Variants in PDE11A observed in about 807,000 individuals in gnomAD.
PDE11A encodes phosphodiesterase 11A.
In PDE11A, 100 loss-of-function variants were observed where a neutral mutation model predicts 100.5. The observed-to-expected ratio is 1.00, with a 90% CI of 0.85 to 1.18. PDE11A has a LOEUF of 1.18. Among genes scored for constraint, PDE11A ranks in the 50% most tolerant of loss-of-function variants. The pLI is 0.00. For missense variants in PDE11A, 1,141 were observed against 1,152.6 expected (o/e 0.99, Z 0.15); for synonymous variants, 381 against 420.8 (o/e 0.91, Z 1.16).
At chr2:177,668,844 T>C (rs1356743215) in intron 18 of PDE11A, among the ~76,000 whole-genome samples, 1 of 152,194 alleles carries the variant, frequency 6.6e-6, no homozygotes, top group African/African-American at 2.4e-5. Context: ...GTTATATGTT[T>C]TTAGCTAATC....
chr2:177,830,992 T>C (rs973751829), intron 6 of PDE11A, among the ~76,000 whole-genome samples: 6 of 152,224 alleles, frequency 3.9e-5, no homozygotes, highest in African/African-American at 9.6e-5. Flanking sequence ...TCTTTTGTCA[T>C]AATTTTTCCA....
chr2:178,105,947 A>C (rs530597310), intron 1 of PDE11A, among the ~76,000 whole-genome samples: 1 of 152,294 alleles, frequency 6.6e-6, no homozygotes, highest in East Asian at 1.9e-4. Context: ...GAATGAGTGC[A>C]AGGGAGATGG....
At chr2:177,824,679 A>G (rs909854075) in intron 6 of PDE11A, among the ~76,000 whole-genome samples, 1 of 152,210 alleles carries the variant, frequency 6.6e-6, no homozygotes, top group Non-Finnish European at 1.5e-5. Flanking sequence ...CCACAGCATT[A>G]TTTATCTTAG....
At chr2:178,081,410 T>A (rs1363690025) in intron 2 of PDE11A, among the ~76,000 whole-genome samples, 2 of 152,140 alleles carry the variant, frequency 1.3e-5, no homozygotes, top group Admixed American at 6.6e-5. Context: ...AAGAAAAAAA[T>A]TGAGCAAATT....
Position 177,783,482 on chromosome 2 carries a change from T to A in PDE11A, c.1738-14109A>T, listed in dbSNP as rs185342943. On this transcript the variant is annotated intron_variant, in intron 9 of 19. Coordinates refer to ENST00000286063, the MANE Select transcript of PDE11A (RefSeq NM_016953.4). Reference sequence around the variant, plus strand: ...GCAACAAGTACCCAAACTAACATTTTCATATTTGTCTTCCATTTTTTCTAT... The same window carrying A: ...GCAACAAGTACCCAAACTAACATTTACATATTTGTCTTCCATTTTTTCTAT... Among the ~76,000 whole-genome samples the A allele has an allele frequency of 4.8e-4, 73 of 152,362 alleles. 2 individuals carry two copies. Among genetic ancestry groups the A allele is most frequent in the African/African-American group, 1.6e-3 (67 of 41,586 alleles).
chr2:177,684,183 CTT>C (rs1176029631), intron 15 of PDE11A, among the ~76,000 whole-genome samples: 2 of 152,048 alleles, frequency 1.3e-5, no homozygotes, highest in Admixed American at 1.3e-4. Context: ...CTTTATTAGG[CTT>C]TACGGTCACA....
intron 2 of PDE11A, among the ~76,000 whole-genome samples, chr2:177,923,974 A>G (rs2085091340): frequency 6.6e-6 from 1 of 152,212 alleles, no homozygotes; most frequent in Non-Finnish European, 1.5e-5. Flanking sequence ...GAGGTCTAAG[A>G]TAATGTATAA....
At chr2:177,939,071 C>T (rs757573867) in intron 2 of PDE11A, among the ~76,000 whole-genome samples, 1 of 152,126 alleles carries the variant, frequency 6.6e-6, no homozygotes, top group Non-Finnish European at 1.5e-5. Context: ...GTTGTTTAAG[C>T]CATTTTAGTC....
rs2083860974 is a variant in PDE11A at position 177,857,463 on chromosome 2, T to G, written c.1368-17080A>C. On this transcript the variant is annotated intron_variant, in intron 5 of 19. Transcript: ENST00000286063. ...ATCTCATTTAAAGACAATGGCATAA[T>G]GCAAAAATTATAAAACTGCATTGAT... 2.6e-5 allele frequency among the ~76,000 whole-genome samples: 4 copies of G among 152,004 alleles called. No homozygotes were observed. The South Asian group carries it at 8.3e-4, about 31-fold the overall frequency.
At chr2:178,044,376 T>A (rs1193012277) in intron 1 of PDE11A, among the ~76,000 whole-genome samples, 1 of 148,170 alleles carries the variant, frequency 6.7e-6, no homozygotes, top group Non-Finnish European at 1.5e-5. Context: ...ATATATGTTT[T>A]TATATATATA....
At chr2:177,856,517 A>G (rs2083836154) in intron 5 of PDE11A, among the ~76,000 whole-genome samples, 1 of 152,138 alleles carries the variant, frequency 6.6e-6, no homozygotes, top group Non-Finnish European at 1.5e-5. Flanking sequence ...CATTCAAAAT[A>G]CTAAAGGAAA....
intron 15 of PDE11A, among the ~76,000 whole-genome samples, chr2:177,695,270 T>C (rs1283327460): frequency 6.6e-6 from 1 of 152,182 alleles, no homozygotes; most frequent in Non-Finnish European, 1.5e-5. Flanking sequence ...CATGATCAAG[T>C]AAGGGTATTT....
At chr2:178,088,036 G>T (rs1237449361) in intron 2 of PDE11A, among the ~76,000 whole-genome samples, 1 of 152,072 alleles carries the variant, frequency 6.6e-6, no homozygotes, top group Non-Finnish European at 1.5e-5. Flanking sequence ...TTTCTGCACT[G>T]AAGCTCCCCA....
At position 178,072,700 on chromosome 2, in the gene PDE11A, G is replaced by T; in HGVS notation, c.-263C>A. ...GCACTGAGCTGCCGCCGCTGCCCCG[G>T]CTCCTGTTCCGGAAACCCGAGCTAT... On this transcript the variant is annotated 5_prime_UTR_variant, in exon 1 of 20. Coordinates refer to ENST00000286063, the MANE Select transcript of PDE11A (RefSeq NM_016953.4). The T allele has an allele frequency of 7.2e-7, 1 of 1,397,578 alleles. No homozygotes were observed. Among genetic ancestry groups the T allele is most frequent in the South Asian group, 1.5e-5 (1 of 66,776 alleles). The allele number at this position is 1,397,578 out of a possible 1,614,324, so 86.6% of individuals were successfully genotyped here. A position where few individuals can be genotyped will look rare whatever the true frequency, so the allele number is the denominator to read the frequency against.
intron 19 of PDE11A, among the ~76,000 whole-genome samples, chr2:177,659,267 GAAAAA>G (rs71010812): frequency 0.038 from 4,880 of 128,164 alleles, 199 homozygotes; most frequent in African/African-American, 0.1. Flanking sequence ...ATCTCAGGGG[GAAAAA>G]AAAAAAAAAA....
chr2:178,035,104 C>T lies in PDE11A; in HGVS notation c.913-20644G>A, dbSNP rs186676393. On this transcript the variant is annotated intron_variant, in intron 1 of 19. Transcript: ENST00000286063. ...AATCCAGGAGCTGTTTTTTTTTAAA[C>T]ATTAACAAAATAGATGGACCACTAG... is the stretch of plus-strand genomic sequence containing the variant. Among the ~76,000 whole-genome samples the T allele has an allele frequency of 2.6e-4, 39 of 150,948 alleles. No homozygotes were observed. The East Asian group carries it at 6.0e-3, about 23-fold the overall frequency.
chr2:177,715,518 A>G (rs1050499842), intron 12 of PDE11A, among the ~76,000 whole-genome samples: 5 of 149,706 alleles, frequency 3.3e-5, no homozygotes, highest in Non-Finnish European at 7.4e-5. Flanking sequence ...TTTCTGCCCT[A>G]TTTGAATGAA....
intron 5 of PDE11A, among the ~76,000 whole-genome samples, chr2:177,861,345 A>T (rs557275549): frequency 1.7e-4 from 26 of 151,986 alleles, no homozygotes; most frequent in Non-Finnish European, 2.7e-4. Context: ...TCAAAAAGAA[A>T]AAAACAGGAA....
intron 5 of PDE11A, among the ~76,000 whole-genome samples, chr2:177,855,157 T>C (rs1197273190): frequency 6.6e-6 from 1 of 152,088 alleles, no homozygotes; most frequent in Non-Finnish European, 1.5e-5. Flanking sequence ...AGAAGATCCA[T>C]GCAGAAGAAA....
Sources: allele counts gnomAD v4.1 joint callset (sites outside exome capture counted in the v4.1 genomes callset), GRCh38; gene constraint gnomAD v4.1.1; transcripts MANE v1.5; gene names NCBI Gene and HGNC (gene_info 2026-07-23, HGNC 2026-07-21).